PCYT1A: variants seen among roughly 807,000 people sequenced by gnomAD.
PCYT1A encodes phosphate cytidylyltransferase 1A, choline.
Under a neutral mutation model 43.7 loss-of-function variants are expected in PCYT1A, and 25 were observed. The observed-to-expected ratio is 0.57, with a 90% CI of 0.42 to 0.80. The LOEUF (loss-of-function observed/expected upper bound fraction) is 0.80. Ranked by LOEUF, PCYT1A falls within the 30% of genes least tolerant of loss-of-function variation. The pLI is 0.00. For synonymous variants in PCYT1A, 172 were observed against 170.7 expected (o/e 1.01, Z -0.06); for missense variants, 421 against 474.2 (o/e 0.89, Z 1.04).
chr3:196,258,951 G>T (rs1725028618), intron 2 of PCYT1A, among the ~76,000 whole-genome samples: 1 of 152,116 alleles, frequency 6.6e-6, no homozygotes, highest in Admixed American at 6.5e-5. Context: ...TTGATATCTG[G>T]CCTCACAAAA....
rs968634387 is a variant in PCYT1A at position 196,270,499 on chromosome 3, T to C, written c.33A>G (p.Ala11=). 1.1e-5 allele frequency: 18 copies of C among 1,614,128 alleles called. No individual in the cohort carries two copies. The highest frequency in any genetic ancestry group is 1.5e-5 in the Non-Finnish European group (18 of 1,179,950). ...CGGGCGCCTCTTTTCTCCTCTTCCT[T>C]GCATTGACCTTGGCTGAACACTGTG... MDAQCSAKVN[A]RKRRKEAPGP... is the part of the protein sequence containing the mutation. Residue 11 remains alanine (A), a synonymous_variant, in exon 2 of 9, where the codon GCA becomes GCG. Transcript: ENST00000431016.
chr3:196,281,235 T>C (rs1421876924), intron 1 of PCYT1A, among the ~76,000 whole-genome samples: 1 of 152,184 alleles, frequency 6.6e-6, no homozygotes, highest in East Asian at 1.9e-4. Flanking sequence ...AACTCAAGGG[T>C]TAAAGTGCAT....
Position 196,277,245 on chromosome 3 carries a change from A to T in PCYT1A, c.-10-6704T>A, listed in dbSNP as rs112636938. Among the ~76,000 whole-genome samples, 1,897 of 151,704 alleles carry T rather than the reference A, an allele frequency of 0.013. 32 individuals carry two copies. The highest frequency in any genetic ancestry group is 0.039 in the African/African-American group (1,610 of 41,320). On this transcript the variant is annotated intron_variant, in intron 1 of 8. Coordinates refer to ENST00000431016, the MANE Select transcript of PCYT1A (RefSeq NM_001312673.2). This position sits in a 1 kb window ranked among gnomAD's most constrained non-coding sequence, Gnocchi z 4.1. ...GACTCCATTTCAAAAAAATATATATATTTTTTTCTTTACCTGCTTACACTA... is the reference window on the plus strand; with the variant it reads ...GACTCCATTTCAAAAAAATATATATTTTTTTTTCTTTACCTGCTTACACTA...
At chr3:196,287,508 C>G (rs1725948259) in intron 1 of PCYT1A, 107 bp downstream of exon 1, 1 of 152,590 alleles carries the variant, frequency 6.6e-6, no homozygotes, top group Non-Finnish European at 1.5e-5. Context: ...GCCCCTGGCT[C>G]CCACTGCCCT....
Position 196,238,767 on chromosome 3 carries a change from G to T in PCYT1A, c.1025C>A (p.Thr342Asn). ...ATTTGCTGGGGAGCAAGGTGGGGAA[G>T]TCTTGCCGGAGAAGGGCCATCGGAA... Reference protein sequence around the residue: ...PSFRWPFSGKTSPPCSPANLS... With the variant: ...PSFRWPFSGKNSPPCSPANLS... Residue 342 changes from threonine to asparagine, a missense_variant, in exon 9 of 9, where the codon ACT (threonine) becomes AAT (asparagine). Physicochemically the swap from Thr to Asn is moderately conservative, Grantham distance 65 (BLOSUM62 0). Around this residue, in one of 3 missense-constraint regions of PCYT1A, gnomAD observed 108 missense variants for 85.7 expected, o/e 1.26. Coordinates refer to ENST00000431016, the MANE Select transcript of PCYT1A (RefSeq NM_001312673.2). The T allele has an allele frequency of 6.3e-7, 1 of 1,590,880 alleles. No individual in the cohort carries two copies. The highest frequency in any genetic ancestry group is 8.5e-7 in the Non-Finnish European group (1 of 1,169,598).
intron 1 of PCYT1A, among the ~76,000 whole-genome samples, chr3:196,275,693 ACTGCACTCCAGC>A: frequency 6.6e-6 from 1 of 151,970 alleles, no homozygotes; most frequent in Middle Eastern, 3.4e-3. Flanking sequence ...AGATCGCACC[ACTGCACTCCAGC>A]CTGGCAACAG....
chr3:196,238,848 C>T lies in PCYT1A; in HGVS notation c.944G>A (p.Ser315Asn), dbSNP rs1305786964. The stretch of plus-strand genomic sequence containing the variant: ...GCTGCTGCTGGGGCTCTGCTTCGGG[C>T]TGATGGCCTGCAGCATCCGGCCCTT... ...EGKGRMLQAI[S>N]PKQSPSSSPT... Residue 315 changes from serine (S) to asparagine (N), a missense_variant, in exon 9 of 9, where the codon AGC becomes AAC. Ser to Asn is a conservative substitution (Grantham distance 46). Coordinates refer to ENST00000431016, the MANE Select transcript of PCYT1A (RefSeq NM_001312673.2). 2 of 1,534,684 alleles carry T rather than the reference C, an allele frequency of 1.3e-6. No homozygotes were observed. The highest frequency in any genetic ancestry group is 1.4e-5 in the African/African-American group (1 of 71,382).
Position 196,238,736 on chromosome 3 carries a change from G to A in PCYT1A, c.1056C>T (p.Ser352=), listed in dbSNP as rs142070722. 4.4e-6 allele frequency: 7 copies of A among 1,592,058 alleles called. No individual in the cohort carries two copies. In the African/African-American group the frequency reaches 8.2e-5, roughly 19 times the overall value. The stretch of plus-strand genomic sequence containing the variant: ...TATCATAGGCTGCAGCCTTGTGCCT[G>A]GAGAGATTTGCTGGGGAGCAAGGTG... The part of the protein sequence containing the change: ...TSPPCSPANL[S]RHKAAAYDIS... The change falls in exon 9 of 9, where the codon TCC becomes TCT. Residue 352 remains serine (S), a synonymous_variant. Transcript: ENST00000431016.
At chr3:196,280,078 G>A (rs1296654277) in intron 1 of PCYT1A, among the ~76,000 whole-genome samples, 5 of 152,148 alleles carry the variant, frequency 3.3e-5, no homozygotes, top group East Asian at 3.9e-4. Flanking sequence ...TGATCTGCCC[G>A]CCTCAGTCTC....
At chr3:196,261,154 G>C (rs1166864507) in intron 2 of PCYT1A, among the ~76,000 whole-genome samples, 1 of 152,220 alleles carries the variant, frequency 6.6e-6, no homozygotes, top group Non-Finnish European at 1.5e-5. Flanking sequence ...ACAGAAAGCA[G>C]ATTAGTGGTT....
rs573518297 is a variant in PCYT1A at position 196,275,506 on chromosome 3, G to A, written c.-10-4965C>T. Among the ~76,000 whole-genome samples, 6 of 152,022 alleles carry A rather than the reference G, an allele frequency of 3.9e-5. No individual in the cohort carries two copies. The East Asian group carries it at 5.8e-4, about 15-fold the overall frequency. On this transcript the variant is annotated intron_variant, in intron 1 of 8. Transcript: ENST00000431016. ...ATCTCAGCCTTTGGGAGGCTGAGGC[G>A]GGTGGATCACGAGGTCAAGAGATCG...
chr3:196,239,758 T>C (rs370789068), intron 7 of PCYT1A, 23 bp from the exon 8 acceptor site: 14 of 1,482,970 alleles, frequency 9.4e-6, no homozygotes, highest in Non-Finnish European at 1.2e-5. Flanking sequence ...ATAACTCTTC[T>C]GAGAAATAAT....
rs1341064344 is a variant in PCYT1A, at chr3:196,237,503, AG to A, written c.*1184del. ...GGCTTGCTGGAGGAGCAGCAGAGGG[AG>A]GTCCCTGCCAGCTGCAGCTCTCAGA... On this transcript the variant is annotated 3_prime_UTR_variant, in exon 9 of 9. Coordinates refer to ENST00000431016, the MANE Select transcript of PCYT1A (RefSeq NM_001312673.2). The A allele has an allele frequency of 6.6e-6, 1 of 152,278 alleles. No homozygotes were observed. The highest frequency in any genetic ancestry group is 2.4e-5 in the African/African-American group (1 of 41,444). 9.4% of individuals were successfully genotyped at this position (152,278 alleles called of 1,614,324 possible).
intron 2 of PCYT1A, among the ~76,000 whole-genome samples, chr3:196,263,182 T>C (rs1470194566): frequency 6.6e-6 from 1 of 152,182 alleles, no homozygotes; most frequent in Non-Finnish European, 1.5e-5. Context: ...TCTGTATTAA[T>C]GATAAAGGGT....
At chr3:196,255,294 T>C (rs1215865275) in intron 3 of PCYT1A, among the ~76,000 whole-genome samples, 2 of 152,226 alleles carry the variant, frequency 1.3e-5, no homozygotes, top group African/African-American at 4.8e-5. Flanking sequence ...TCTATTCTAA[T>C]GCTTACAATG....
At chr3:196,253,974 C>T (rs888969947) in intron 3 of PCYT1A, among the ~76,000 whole-genome samples, 1 of 149,004 alleles carries the variant, frequency 6.7e-6, no homozygotes, top group Admixed American at 6.7e-5. Flanking sequence ...TATTTAATAT[C>T]ATTTATATAT....
intron 1 of PCYT1A, among the ~76,000 whole-genome samples, chr3:196,280,214 G>A (rs573556035): frequency 2.8e-4 from 43 of 152,222 alleles, no homozygotes; most frequent in African/African-American, 1.0e-3. Context: ...CCTGAACTAT[G>A]TAACAATCTA....
chr3:196,274,023 C>T (rs546783704), intron 1 of PCYT1A, among the ~76,000 whole-genome samples: 2 of 152,352 alleles, frequency 1.3e-5, no homozygotes, highest in Admixed American at 6.5e-5. Context: ...CTGCTGGACA[C>T]CCAAAATCCA....
intron 8 of PCYT1A, 40 bp from the exon 9 acceptor site, chr3:196,238,934 A>C: frequency 1.6e-6 from 2 of 1,226,446 alleles, no homozygotes; most frequent in South Asian, 3.7e-5. Context: ...AACACCGTGG[A>C]TCCTACTTAA....
Sources: gnomAD v4.1 joint callset for allele counts (sites outside exome capture counted in the v4.1 genomes callset) on GRCh38, gnomAD v4.1.1 for gene constraint, gnomAD v4.1.1 regional missense constraint, Gnocchi (gnomAD v3.1) non-coding constraint, MANE v1.5 for transcripts, NCBI Gene and HGNC (gene_info 2026-07-23, HGNC 2026-07-21) for gene names.